Variants in LRP1 observed in about 807,000 individuals in gnomAD.
LRP1 encodes the protein prolow-density lipoprotein receptor-related protein 1.
In LRP1, 51 loss-of-function variants were observed where a neutral mutation model predicts 541.5. The observed-to-expected ratio is 0.09, with a 90% CI of 0.08 to 0.12. LRP1 has a LOEUF of 0.12. LRP1 is among the 10% of genes least tolerant of loss of function. LRP1 has a pLI of 1.00. For missense variants in LRP1, 3,878 were observed against 6,376.2 expected, an observed-to-expected ratio of 0.61 and a Z score of 13.34; for synonymous variants, 2,219 against 2,470.8, an observed-to-expected ratio of 0.90 and a Z score of 3.02.
chr12:57,144,084 C>T (rs2035350387), intron 4 of LRP1, among the ~76,000 whole-genome samples: 1 of 152,178 alleles, frequency 6.6e-6, no homozygotes, highest in Non-Finnish European at 1.5e-5. Context: ...ACAAATCCCC[C>T]TCAATTCCGG....
At chr12:57,175,731 G>A (rs376971164) in intron 23 of LRP1, 26 bp downstream of exon 23, 8 of 1,547,638 alleles carry the variant, frequency 5.2e-6, no homozygotes, top group Non-Finnish European at 7.0e-6. Context: ...GGTGTGGTGG[G>A]GCAGGCCGAG....
At chr12:57,191,625 CA>C in intron 44 of LRP1, 113 bp downstream of exon 44, 1 of 906,100 alleles carries the variant, frequency 1.1e-6, no homozygotes, top group Non-Finnish European at 1.7e-6. Flanking sequence ...ACATACCACA[CA>C]CACACATCCC....
rs754093264 is a variant in LRP1, at chr12:57,198,321, C to G, written c.9448C>G (p.Leu3150Val). ...VSSGLREPRA[L>V]VVDVQNGYLY... ...CTCTGGCCTCCGTGAGCCCAGGGCT[C>G]TGGTGGTGGATGTGCAGAATGGGTA... is the stretch of plus-strand genomic sequence containing the variant. The change falls in exon 59 of 89, where the codon CTG (leucine) becomes GTG (valine). Residue 3150 changes from leucine to valine, a missense_variant. Physicochemically the swap from Leu to Val is conservative, Grantham distance 32 (BLOSUM62 1). Transcript: ENST00000243077. 1.2e-6 allele frequency: 2 copies of G among 1,613,764 alleles called. No individual in the cohort carries two copies. Among genetic ancestry groups the G allele is most frequent in the Non-Finnish European group, 8.5e-7 (1 of 1,179,858 alleles).
rs751231738 is a variant in LRP1, at chr12:57,206,284, G to T, written c.11591-189G>T. On this transcript the variant is annotated intron_variant, in intron 75 of 88. Transcript: ENST00000243077. The surrounding 1 kb of genome is among the most constrained non-coding windows in gnomAD (Gnocchi z 4.7). ...CGGGTCACAGTGGATCAGCTCAGGG[G>T]AGGAGAGGAGGAGGTCCAGAGGCTG... Among the ~76,000 whole-genome samples, 2 of 152,234 alleles carry T rather than the reference G, an allele frequency of 1.3e-5. No individual in the cohort carries two copies. Among genetic ancestry groups the T allele is most frequent in the Non-Finnish European group, 2.9e-5 (2 of 68,040 alleles).
chr12:57,169,232 G>C lies in LRP1; in HGVS notation c.3088G>C (p.Glu1030Gln), dbSNP rs370645203. 1.7e-5 allele frequency: 27 copies of C among 1,613,932 alleles called. No individual in the cohort carries two copies. The African/African-American group carries it at 3.5e-4, about 21-fold the overall frequency. Reference sequence around the variant, plus strand: ...GTGCAACAGCGGGCGTTGCATCCCCGAGCACTGGACCTGCGATGGGGACAA... The same window carrying C: ...GTGCAACAGCGGGCGTTGCATCCCCCAGCACTGGACCTGCGATGGGGACAA... Reference protein sequence around the residue: ...FKCNSGRCIPEHWTCDGDNDC... With the variant: ...FKCNSGRCIPQHWTCDGDNDC... The change falls in exon 20 of 89, where the codon GAG becomes CAG. Residue 1030 changes from glutamate (E) to glutamine (Q), a missense_variant. Glu to Gln is a conservative substitution (Grantham distance 29, BLOSUM62 2). Around this residue, in one of 13 missense-constraint regions of LRP1, gnomAD observed 320 missense variants for 547.9 expected, o/e 0.58. Transcript: ENST00000243077.
At chr12:57,209,893 T>C in intron 80 of LRP1, 25 bp downstream of exon 80, 6 of 1,609,954 alleles carry the variant, frequency 3.7e-6, no homozygotes, top group Non-Finnish European at 4.2e-6. Context: ...GAGCCTGGGC[T>C]GGGGAAGGGA....
chr12:57,145,573 G>A, intron 6 of LRP1, 83 bp downstream of exon 6: 1 of 1,522,244 alleles, frequency 6.6e-7, no homozygotes, highest in Non-Finnish European at 8.9e-7. Flanking sequence ...CAGAGGCCGG[G>A]AGTTACACAG....
In LRP1 at chr12:57,193,586, A is replaced by T. The variant is rs369555013; in HGVS notation, c.7705A>T (p.Thr2569Ser). The change falls in exon 47 of 89, where the codon ACT (threonine) becomes TCT (serine). Residue 2569 changes from threonine (T) to serine (S), a missense_variant. Transcript: ENST00000243077. ...SYCNSRRCKK[T>S]FRQCSNGRCV... Reference sequence around the variant, plus strand: ...TGCAGACTCCCGCCGCTGCAAGAAGACTTTCCGGCAGTGCAGCAATGGGCG... The same window carrying T: ...TGCAGACTCCCGCCGCTGCAAGAAGTCTTTCCGGCAGTGCAGCAATGGGCG... 1.9e-6 allele frequency: 3 copies of T among 1,614,016 alleles called. No homozygotes were observed. Among genetic ancestry groups the T allele is most frequent in the Middle Eastern group, 1.7e-4 (1 of 6,058 alleles).
chr12:57,160,361 C>T (rs1233572300), intron 12 of LRP1, among the ~76,000 whole-genome samples: 1 of 152,152 alleles, frequency 6.6e-6, no homozygotes, highest in African/African-American at 2.4e-5. Flanking sequence ...GTCCCCACTG[C>T]CTGCTGTCTG....
In LRP1 at chr12:57,196,140, G is replaced by A; in HGVS notation, c.8755G>A (p.Ala2919Thr). The part of the protein sequence containing the change: ...QFLCSSGRCV[A>T]EALLCNGQDD... ...CCTGTGCAGCAGTGGGCGCTGTGTG[G>A]CTGAGGCACTGCTCTGCAACGGCCA... is the stretch of plus-strand genomic sequence containing the variant. Residue 2919 changes from alanine (A) to threonine (T), a missense_variant, in exon 55 of 89, where the codon GCT (alanine) becomes ACT (threonine). Ala to Thr is a moderately conservative substitution (Grantham distance 58). Coordinates refer to ENST00000243077, the MANE Select transcript of LRP1 (RefSeq NM_002332.3). The A allele has an allele frequency of 6.2e-7, 1 of 1,611,066 alleles. No individual in the cohort carries two copies. The highest frequency in any genetic ancestry group is 1.1e-5 in the South Asian group (1 of 90,972).
chr12:57,191,476 A>G lies in LRP1; in HGVS notation c.7393A>G (p.Met2465Val), dbSNP rs1282771476. 6.2e-7 allele frequency: 1 copy of G among 1,603,582 alleles called. No homozygotes were observed. The highest frequency in any genetic ancestry group is 8.5e-7 in the Non-Finnish European group (1 of 1,172,262). Reference sequence around the variant, plus strand: ...GCGCGTGGACATCCCCCAGCAGCCCATGGGCATCATCGCCGTGGCCAACGA... The same window carrying G: ...GCGCGTGGACATCCCCCAGCAGCCCGTGGGCATCATCGCCGTGGCCAACGA... ...LLRVDIPQQP[M>V]GIIAVANDTN... The change falls in exon 44 of 89, where the codon ATG (methionine) becomes GTG (valine). Residue 2465 changes from methionine (M) to valine (V), a missense_variant. Coordinates refer to ENST00000243077, the MANE Select transcript of LRP1 (RefSeq NM_002332.3).
At chr12:57,147,535 C>G (rs1251800380) in intron 6 of LRP1, 1 of 152,278 alleles carries the variant, frequency 6.6e-6, no homozygotes, top group African/African-American at 2.4e-5. Context: ...TCCAGGGCAG[C>G]CCTCCCTGCA....
rs945369105 is a variant in LRP1, at chr12:57,181,099, C to G, written c.5528-58C>G. 1.1e-5 allele frequency: 18 copies of G among 1,584,354 alleles called. No homozygotes were observed. The African/African-American group carries it at 2.0e-4, about 18-fold the overall frequency. The stretch of plus-strand genomic sequence containing the variant: ...TGTTTCTGAGCAGCCCAAGCCTGAC[C>G]CTGAGGTCCCAAGGAGGGCCACCTA... On this transcript the variant is annotated intron_variant, in intron 33 of 88. Coordinates refer to ENST00000243077, the MANE Select transcript of LRP1 (RefSeq NM_002332.3).
intron 76 of LRP1, among the ~76,000 whole-genome samples, chr12:57,207,133 C>T (rs2036797201): frequency 6.6e-6 from 1 of 151,842 alleles, no homozygotes. Context: ...GTCCCAGCTA[C>T]TTGGGAAGCT....
intron 4 of LRP1, 181 bp from the exon 5 acceptor site, chr12:57,144,791 T>C (rs985736146): frequency 1.6e-6 from 1 of 632,668 alleles, no homozygotes; most frequent in Non-Finnish European, 2.8e-6. Context: ...TTCTCTAGAG[T>C]GGATTCCAAG....
rs755991190 is a variant in LRP1 at position 57,198,459 on chromosome 12, C to T, written c.9471-6C>T. The T allele has an allele frequency of 3.2e-5, 51 of 1,613,012 alleles. No individual in the cohort carries two copies. The highest frequency in any genetic ancestry group is 1.7e-4 in the Middle Eastern group (1 of 6,058). ...CTCCCAGGGCTCACTGCCTACCCAT[C>T]GCCAGGTACCTGTACTGGACAGACT... On this transcript the variant is annotated splice_polypyrimidine_tract_variant and splice_region_variant and intron_variant, in intron 59 of 88. Transcript: ENST00000243077.
chr12:57,157,503 G>A (rs2035644870), intron 10 of LRP1, among the ~76,000 whole-genome samples: 1 of 152,146 alleles, frequency 6.6e-6, no homozygotes, highest in Non-Finnish European at 1.5e-5. Flanking sequence ...CCCAGCTATT[G>A]GGGAGGCTGA....
At chr12:57,133,226 G>A (rs1264468871) in intron 1 of LRP1, among the ~76,000 whole-genome samples, 1 of 151,970 alleles carries the variant, frequency 6.6e-6, no homozygotes, top group African/African-American at 2.4e-5. Flanking sequence ...GGGAGAAGGA[G>A]AGGAGGCTTA....
rs1331765682 is a variant in LRP1 at position 57,204,983 on chromosome 12, T to A, written c.11195-126T>A. On this transcript the variant is annotated intron_variant, in intron 72 of 88. Transcript: ENST00000243077. The surrounding 1 kb of genome is among the most constrained non-coding windows in gnomAD (Gnocchi z 5.3). ...TTGGAGGTGGGGCTGGGAACCCAAA[T>A]GTTTGACCTGCTCCCCCTGCAAGCC... 4 of 1,440,186 alleles carry A rather than the reference T, an allele frequency of 2.8e-6. No individual in the cohort carries two copies. In the Admixed American group the frequency reaches 6.6e-5, roughly 24 times the overall value. The allele number at this position is 1,440,186 out of a possible 1,614,324, so 89.2% of individuals were successfully genotyped here.
Sources: gnomAD v4.1 joint callset for allele counts (sites outside exome capture counted in the v4.1 genomes callset) on GRCh38, gnomAD v4.1.1 for gene constraint, gnomAD v4.1.1 regional missense constraint, Gnocchi (gnomAD v3.1) non-coding constraint, MANE v1.5 for transcripts, NCBI Gene and HGNC (gene_info 2026-07-23, HGNC 2026-07-21) for gene names.